NR2C2: variants seen among roughly 807,000 people sequenced by gnomAD.
The protein encoded by NR2C2 is Nuclear hormone receptor TR4.
A neutral mutation model predicts 62.9 loss-of-function variants in NR2C2; 6 were observed. The observed-to-expected ratio is 0.10, with a 90% CI of 0.05 to 0.19. NR2C2 has a LOEUF of 0.19. Among genes scored for constraint, NR2C2 ranks in the 10% least tolerant of loss-of-function variants. The pLI is 1.00. For synonymous variants in NR2C2, 272 were observed against 273.8 expected (o/e 0.99, Z 0.07); for missense variants, 479 against 762.7 (o/e 0.63, Z 4.38).
At chr3:14,970,626 G>T (rs1018373531) in intron 1 of NR2C2, among the ~76,000 whole-genome samples, 11 of 152,172 alleles carry the variant, frequency 7.2e-5, no homozygotes, top group African/African-American at 1.9e-4. Flanking sequence ...ATGTCCTCAA[G>T]GTTAATCCAT....
intron 1 of NR2C2, among the ~76,000 whole-genome samples, chr3:14,963,824 A>AT (rs2039759466): frequency 6.6e-6 from 1 of 152,166 alleles, no homozygotes; most frequent in African/African-American, 2.4e-5. Flanking sequence ...CTAAGTATAC[A>AT]TATGCCAGTT....
chr3:15,018,815 G>A (rs537233023), intron 4 of NR2C2, among the ~76,000 whole-genome samples: 3 of 152,058 alleles, frequency 2.0e-5, no homozygotes, highest in South Asian at 4.2e-4. Flanking sequence ...TCAGGAGTTC[G>A]AGACTAGCCT....
chr3:14,969,368 G>A (rs748372995), intron 1 of NR2C2, among the ~76,000 whole-genome samples: 9 of 149,572 alleles, frequency 6.0e-5, no homozygotes, highest in Non-Finnish European at 8.9e-5. Flanking sequence ...TTAGCCTCCC[G>A]AGTAGCTGGG....
chr3:14,948,357 G>A (rs958880292), intron 1 of NR2C2: 1 of 152,216 alleles, frequency 6.6e-6, no homozygotes, highest in Non-Finnish European at 1.5e-5. Context: ...CCCAACCGCC[G>A]TTTTTTCTGA....
intron 1 of NR2C2, among the ~76,000 whole-genome samples, chr3:14,958,431 G>A (rs13098326): frequency 0.11 from 16,074 of 151,906 alleles, 1,040 homozygotes; most frequent in Middle Eastern, 0.17. Flanking sequence ...GGGGTGGGGG[G>A]CAATCTTTGA....
intron 2 of NR2C2, among the ~76,000 whole-genome samples, chr3:15,004,272 G>C (rs1256456156): frequency 6.6e-6 from 1 of 152,182 alleles, no homozygotes; most frequent in African/African-American, 2.4e-5. Flanking sequence ...CTGTAATTAA[G>C]AGCAAGGGCC....
In NR2C2 at chr3:15,023,228, T is replaced by C; in HGVS notation, c.585T>C (p.Asp195=). 6.2e-7 allele frequency: 1 copy of C among 1,614,262 alleles called. No homozygotes were observed. Among genetic ancestry groups the C allele is most frequent in the Non-Finnish European group, 8.5e-7 (1 of 1,180,040 alleles). Residue 195 remains aspartate, a synonymous_variant, in exon 6 of 14, where the codon GAT becomes GAC. Coordinates refer to ENST00000425241, the MANE Select transcript of NR2C2 (RefSeq NM_001291694.2). ...ESVQSERKPF[D]VQREKPSNCA... The stretch of plus-strand genomic sequence containing the variant: ...TGCAGAGTGAACGGAAGCCCTTCGA[T>C]GTGCAACGGGAGAAACCAAGCAATT...
At chr3:14,997,740 A>C (rs941277268) in intron 1 of NR2C2, among the ~76,000 whole-genome samples, 1 of 152,208 alleles carries the variant, frequency 6.6e-6, no homozygotes, top group Admixed American at 6.5e-5. Context: ...AAAGAAAAAA[A>C]AATTTAATAG....
intron 10 of NR2C2, among the ~76,000 whole-genome samples, chr3:15,032,807 C>T (rs972170639): frequency 6.6e-6 from 1 of 152,242 alleles, no homozygotes; most frequent in African/African-American, 2.4e-5. Flanking sequence ...CACAGTGTGA[C>T]TCAACAAACT....
intron 4 of NR2C2, among the ~76,000 whole-genome samples, chr3:15,019,503 G>T (rs1435851362): frequency 6.6e-6 from 1 of 152,182 alleles, no homozygotes; most frequent in Non-Finnish European, 1.5e-5. Flanking sequence ...CAATGGCCAA[G>T]ATGTGGAATC....
intron 1 of NR2C2, among the ~76,000 whole-genome samples, chr3:14,958,563 T>C (rs75462665): frequency 0.016 from 2,407 of 152,288 alleles, 68 homozygotes; most frequent in African/African-American, 0.054. Context: ...AGTAACCACT[T>C]AGTGTTAGTT....
chr3:14,986,698 A>G (rs1432138635), intron 1 of NR2C2, among the ~76,000 whole-genome samples: 1 of 152,242 alleles, frequency 6.6e-6, no homozygotes, highest in African/African-American at 2.4e-5. Context: ...TTGGTCACAG[A>G]AAATAGAGAA....
At chr3:15,038,224 A>C in intron 12 of NR2C2, 87 bp downstream of exon 12, 1 of 1,384,256 alleles carries the variant, frequency 7.2e-7, no homozygotes, top group East Asian at 2.4e-5. Context: ...TCATTGGTGT[A>C]GAAAGAGCCC....
At chr3:14,992,170 CAAACAACAA>C (rs1255431061) in intron 1 of NR2C2, among the ~76,000 whole-genome samples, 2 of 152,124 alleles carry the variant, frequency 1.3e-5, no homozygotes, top group African/African-American at 4.8e-5. Context: ...ATAAAACAAA[CAAACAACAA>C]AAACAACAAC....
chr3:15,005,519 CTTTTTT>C (rs574293033), intron 2 of NR2C2, among the ~76,000 whole-genome samples: 1 of 114,116 alleles, frequency 8.8e-6, no homozygotes, highest in African/African-American at 3.5e-5. Flanking sequence ...GCGTGGCCAA[CTTTTTT>C]TTTTTTTTTT....
rs535208425 is a variant in NR2C2 at position 15,043,761 on chromosome 3, C to T, written c.*753C>T. The T allele has an allele frequency of 2.6e-5, 4 of 152,386 alleles. No homozygotes were observed. The highest frequency in any genetic ancestry group is 5.9e-5 in the Non-Finnish European group (4 of 68,052). The allele number at this position is 152,386 out of a possible 1,614,324, so 9.4% of individuals were successfully genotyped here. A position where few individuals can be genotyped will look rare whatever the true frequency, so the allele number is the denominator to read the frequency against. ...GGTTCCCTGACTACTTGGTCCTGGT[C>T]TCTGATGGGCATCTGCAGACTCCTC... is the stretch of plus-strand genomic sequence containing the variant. On this transcript the variant is annotated 3_prime_UTR_variant, in exon 14 of 14. Coordinates refer to ENST00000425241, the MANE Select transcript of NR2C2 (RefSeq NM_001291694.2).
At chr3:14,988,386 GA>G (rs2040568687) in intron 1 of NR2C2, among the ~76,000 whole-genome samples, 2 of 152,220 alleles carry the variant, frequency 1.3e-5, no homozygotes, top group South Asian at 4.1e-4. Flanking sequence ...CTGGGAGAAG[GA>G]ATTCTTATAT....
chr3:15,030,421 C>G lies in NR2C2; in HGVS notation c.1079C>G (p.Pro360Arg). Reference sequence around the variant, plus strand: ...ACACCCATCATTGAGGTTGAAGGCCCCCTCCTTTCAGACACACACGTCACA... The same window carrying G: ...ACACCCATCATTGAGGTTGAAGGCCGCCTCCTTTCAGACACACACGTCACA... ...QSTPIIEVEGPLLSDTHVTFK... is the reference protein window; with the variant it reads ...QSTPIIEVEGRLLSDTHVTFK... Residue 360 changes from proline to arginine, a missense_variant, in exon 9 of 14, where the codon CCC (proline) becomes CGC (arginine). Transcript: ENST00000425241. The G allele has an allele frequency of 6.2e-7, 1 of 1,603,552 alleles. No homozygotes were observed. Among genetic ancestry groups the G allele is most frequent in the Non-Finnish European group, 8.5e-7 (1 of 1,176,838 alleles).
chr3:15,037,624 C>T (rs2042140120), intron 11 of NR2C2, among the ~76,000 whole-genome samples: 1 of 152,142 alleles, frequency 6.6e-6, no homozygotes, highest in Non-Finnish European at 1.5e-5. Flanking sequence ...ATTTAATGTT[C>T]AGGTGCCTGC....
Sources: gnomAD v4.1 joint callset for allele counts (sites outside exome capture counted in the v4.1 genomes callset) on GRCh38, gnomAD v4.1.1 for gene constraint, MANE v1.5 for transcripts, NCBI Gene and HGNC (gene_info 2026-07-23, HGNC 2026-07-21) for gene names.